The following GSTA3 variants were observed in gnomAD, a reference collection of about 807,000 sequenced individuals.
The protein encoded by GSTA3 is glutathione S-transferase A3.
Under a neutral mutation model 23.1 loss-of-function variants are expected in GSTA3, and 16 were observed. The ratio of observed to expected loss-of-function variants is 0.69; its 90% CI spans 0.47 to 1.05. The LOEUF (loss-of-function observed/expected upper bound fraction) is 1.05. GSTA3 is among the 50% of genes least tolerant of loss of function. The pLI, the probability that GSTA3 is intolerant of heterozygous loss-of-function variation, is 0.00. For missense variants in GSTA3, 319 were observed against 263.6 expected (o/e 1.21, Z -1.46); for synonymous variants, 122 against 91.0 (o/e 1.34, Z -1.94).
chr6:52,907,626 T>C (rs1237676545), intron 1 of GSTA3, among the ~76,000 whole-genome samples: 1 of 151,592 alleles, frequency 6.6e-6, no homozygotes, highest in Admixed American at 6.6e-5. Flanking sequence ...ATATACACCA[T>C]GGAATACTAT....
At chr6:52,903,787 T>TGACC in intron 2 of GSTA3, 60 bp from the exon 3 acceptor site, 1 of 923,250 alleles carries the variant, frequency 1.1e-6, no homozygotes, top group East Asian at 2.5e-5. Flanking sequence ...TACAGACTTG[T>TGACC]GACCTTGAAT....
chr6:52,908,413 G>C (rs1561958683), intron 1 of GSTA3, among the ~76,000 whole-genome samples: 1 of 152,110 alleles, frequency 6.6e-6, no homozygotes, highest in Non-Finnish European at 1.5e-5. Flanking sequence ...TACCCAGGAG[G>C]CTGAGGCAGG....
Position 52,896,746 on chromosome 6 carries a change from C to T in GSTA3, c.*60G>A. The T allele has an allele frequency of 6.3e-7, 1 of 1,598,026 alleles. No homozygotes were observed. The highest frequency in any genetic ancestry group is 1.7e-5 in the Admixed American group (1 of 58,922). ...CAATCAACACTTAAGTAAAGCACTT[C>T]ATTGTTGCAAAACTTTAGAATATTG... On this transcript the variant is annotated 3_prime_UTR_variant, in exon 7 of 7. Transcript: ENST00000211122.
chr6:52,899,601 A>T (rs1765597451), intron 5 of GSTA3, among the ~76,000 whole-genome samples: 1 of 152,208 alleles, frequency 6.6e-6, no homozygotes, highest in South Asian at 2.1e-4. Flanking sequence ...CTTCAGACAA[A>T]GCCTGTGTTC....
intron 2 of GSTA3, 147 bp downstream of exon 2, chr6:52,905,601 T>A (rs941548104): frequency 7.9e-6 from 4 of 505,476 alleles, no homozygotes; most frequent in Non-Finnish European, 1.4e-5. Flanking sequence ...TTGGTAAAAT[T>A]TGTCCATTTT....
At chr6:52,904,836 G>C (rs1388939298) in intron 2 of GSTA3, among the ~76,000 whole-genome samples, 1 of 152,144 alleles carries the variant, frequency 6.6e-6, no homozygotes, top group African/African-American at 2.4e-5. Context: ...GGTAACACTG[G>C]GGAATGCCTG....
At chr6:52,897,458 G>T (rs1395043095) in intron 6 of GSTA3, among the ~76,000 whole-genome samples, 1 of 152,176 alleles carries the variant, frequency 6.6e-6, no homozygotes, top group Non-Finnish European at 1.5e-5. Flanking sequence ...GGAACCAGAT[G>T]GAAAGGGCCC....
intron 3 of GSTA3, among the ~76,000 whole-genome samples, chr6:52,902,886 A>C (rs952017464): frequency 6.6e-6 from 1 of 152,214 alleles, no homozygotes; most frequent in African/African-American, 2.4e-5. Flanking sequence ...ACACAATTTT[A>C]TGCAGAGGTC....
intron 4 of GSTA3, among the ~76,000 whole-genome samples, chr6:52,900,790 C>A (rs186267649): frequency 2.6e-5 from 4 of 152,284 alleles, no homozygotes; most frequent in Admixed American, 2.0e-4. Flanking sequence ...TGGCCAAAGA[C>A]TTTTCTCCTA....
intron 1 of GSTA3, among the ~76,000 whole-genome samples, 163 bp from the exon 2 acceptor site, chr6:52,906,018 A>T (rs1034520222): frequency 6.6e-6 from 1 of 152,198 alleles, no homozygotes; most frequent in African/African-American, 2.4e-5. Flanking sequence ...TCCAACACCA[A>T]TGTGACTTCA....
intron 4 of GSTA3, among the ~76,000 whole-genome samples, chr6:52,901,660 G>T (rs1347641793): frequency 1.3e-5 from 2 of 152,212 alleles, no homozygotes; most frequent in Non-Finnish European, 2.9e-5. Flanking sequence ...AGGAATTGCT[G>T]GGTCATTGGT....
intron 2 of GSTA3, among the ~76,000 whole-genome samples, chr6:52,904,974 A>T (rs998763093): frequency 5.3e-5 from 8 of 152,234 alleles, no homozygotes; most frequent in African/African-American, 1.9e-4. Flanking sequence ...TCCTCAGGAC[A>T]GAACCTGGCA....
chr6:52,909,304 C>T (rs748299662), intron 1 of GSTA3, among the ~76,000 whole-genome samples: 10 of 152,226 alleles, frequency 6.6e-5, no homozygotes, highest in Non-Finnish European at 8.8e-5. Context: ...ATGAATCACA[C>T]GAATACATGT....
intron 2 of GSTA3, among the ~76,000 whole-genome samples, chr6:52,904,390 T>C (rs913830207): frequency 2.0e-5 from 3 of 152,194 alleles, no homozygotes; most frequent in Non-Finnish European, 4.4e-5. Flanking sequence ...AGCTGATGTC[T>C]GGGTGACAAT....
chr6:52,907,764 A>G (rs1765941251), intron 1 of GSTA3, among the ~76,000 whole-genome samples: 1 of 146,624 alleles, frequency 6.8e-6, no homozygotes, highest in Non-Finnish European at 1.5e-5. Context: ...CATAGGTGGG[A>G]ATTGAACAAT....
At chr6:52,904,765 C>G (rs1490997631) in intron 2 of GSTA3, among the ~76,000 whole-genome samples, 1 of 152,218 alleles carries the variant, frequency 6.6e-6, no homozygotes, top group African/African-American at 2.4e-5. Flanking sequence ...GAAGGCAGCA[C>G]TTAGCGGAGT....
chr6:52,905,949 G>C (rs569871309), intron 1 of GSTA3, 94 bp from the exon 2 acceptor site: 1 of 576,312 alleles, frequency 1.7e-6, no homozygotes, highest in East Asian at 3.2e-5. Context: ...CAACAGGAGT[G>C]TCTTCCTTCC....
rs761489915 is a variant in GSTA3 at position 52,896,905 on chromosome 6, G to T, written c.570C>A (p.Asn190Lys). ...GTAGAAACTTCTTCACCGTGGGCAG[G>T]TTGCTGATTCTGGTTTTCAGGGCCT... ...LLKALKTRIS[N>K]LPTVKKFLQP... The change falls in exon 7 of 7, where the codon AAC becomes AAA. Residue 190 changes from asparagine (N) to lysine (K), a missense_variant. Asn to Lys is a moderately conservative substitution (Grantham distance 94). Coordinates refer to ENST00000211122, the MANE Select transcript of GSTA3 (RefSeq NM_000847.5). 6.2e-7 allele frequency: 1 copy of T among 1,614,002 alleles called. No individual in the cohort carries two copies. Among genetic ancestry groups the T allele is most frequent in the South Asian group, 1.1e-5 (1 of 91,066 alleles).
intron 2 of GSTA3, among the ~76,000 whole-genome samples, chr6:52,905,198 C>G (rs550102074): frequency 9.8e-5 from 15 of 152,308 alleles, no homozygotes; most frequent in African/African-American, 3.4e-4. Context: ...TTTCAATCAT[C>G]TAGCTGCAGT....
Sources: allele counts gnomAD v4.1 joint callset (sites outside exome capture counted in the v4.1 genomes callset), GRCh38; gene constraint gnomAD v4.1.1; transcripts MANE v1.5; gene names NCBI Gene and HGNC (gene_info 2026-07-23, HGNC 2026-07-21).